Variants in CHMP2B observed in about 807,000 individuals in gnomAD.
CHMP2B encodes the protein charged multivesicular body protein 2B, also known as VPS2 homolog B.
A neutral mutation model predicts 29.8 loss-of-function variants in CHMP2B; 22 were observed. The observed-to-expected ratio is 0.74, with a 90% CI of 0.53 to 1.05. The LOEUF is 1.05. CHMP2B is among the 50% of genes least tolerant of loss of function. CHMP2B has a pLI of 0.00. For synonymous variants in CHMP2B, 78 were observed against 75.8 expected, an observed-to-expected ratio of 1.03 and a Z score of -0.15; for missense variants, 261 against 252.2, an observed-to-expected ratio of 1.03 and a Z score of -0.24.
At chr3:87,240,929 T>C in intron 2 of CHMP2B, 139 bp downstream of exon 2, 1 of 693,004 alleles carries the variant, frequency 1.4e-6, no homozygotes, top group Non-Finnish European at 2.7e-6. Context: ...TTAATGATTT[T>C]TGTATCTTCT....
chr3:87,252,525 G>A (rs990459314), intron 4 of CHMP2B, among the ~76,000 whole-genome samples: 4 of 151,750 alleles, frequency 2.6e-5, no homozygotes, highest in Admixed American at 6.6e-5. Flanking sequence ...TAAACCCTAC[G>A]TATCCTTGCC....
At chr3:87,242,838 G>C (rs370302469) in intron 2 of CHMP2B, among the ~76,000 whole-genome samples, 1 of 152,076 alleles carries the variant, frequency 6.6e-6, no homozygotes, top group African/African-American at 2.4e-5. Flanking sequence ...GTTAATAAAG[G>C]TTTAAATAAG....
Position 87,249,891 on chromosome 3 carries a change from A to G in CHMP2B, c.338A>G (p.Asn113Ser), listed in dbSNP as rs1559610442. The G allele has an allele frequency of 6.2e-7, 1 of 1,603,628 alleles. No individual in the cohort carries two copies. The highest frequency in any genetic ancestry group is 1.7e-5 in the Admixed American group (1 of 59,798). Residue 113 changes from asparagine to serine, a missense_variant, in exon 4 of 6, where the codon AAC becomes AGC. Transcript: ENST00000263780. ...CATTTAAAGACAATGCAGGCAGTTA[A>G]CAAGAAGATGGATCCACAAAAGACA... Reference protein sequence around the residue: ...STTAKTMQAVNKKMDPQKTLQ... With the variant: ...STTAKTMQAVSKKMDPQKTLQ...
At position 87,227,377 on chromosome 3, in the gene CHMP2B, G is replaced by A; in HGVS notation, c.-146G>A. On this transcript the variant is annotated 5_prime_UTR_variant, in exon 1 of 6. Transcript: ENST00000263780. ...AGCTGCGGATACAAGCCTTCCGCGG[G>A]TCCTGCCTGGCGACCCCGACCTCCT... 1 of 829,006 alleles carries A rather than the reference G, an allele frequency of 1.2e-6. No homozygotes were observed. Among genetic ancestry groups the A allele is most frequent in the South Asian group, 1.4e-5 (1 of 70,842 alleles). The allele number at this position is 829,006 out of a possible 1,614,324, so 51.4% of individuals were successfully genotyped here. A position where few individuals can be genotyped will look rare whatever the true frequency, so the allele number is the denominator to read the frequency against.
chr3:87,239,723 G>A (rs1041860967), intron 1 of CHMP2B, among the ~76,000 whole-genome samples: 1 of 152,016 alleles, frequency 6.6e-6, no homozygotes, highest in Non-Finnish European at 1.5e-5. Context: ...TCAAAAGGTA[G>A]GTCTAAAGAA....
chr3:87,252,569 A>G (rs1706334742), intron 4 of CHMP2B, among the ~76,000 whole-genome samples: 1 of 151,832 alleles, frequency 6.6e-6, no homozygotes, highest in African/African-American at 2.4e-5. Context: ...TCCCAGTTGG[A>G]TGTGATCTCC....
At chr3:87,243,311 T>G (rs936851222) in intron 2 of CHMP2B, among the ~76,000 whole-genome samples, 13 of 152,218 alleles carry the variant, frequency 8.5e-5, no homozygotes, top group African/African-American at 3.1e-4. Flanking sequence ...TATTTTCAGT[T>G]TGCTGAAATT....
chr3:87,245,568 G>C, intron 2 of CHMP2B, 146 bp from the exon 3 acceptor site: 1 of 677,512 alleles, frequency 1.5e-6, no homozygotes, highest in South Asian at 2.0e-5. Flanking sequence ...TTTCTCTTTT[G>C]CTCTATGACT....
intron 1 of CHMP2B, among the ~76,000 whole-genome samples, chr3:87,238,739 A>C (rs1434110487): frequency 6.6e-6 from 1 of 152,090 alleles, no homozygotes; most frequent in Non-Finnish European, 1.5e-5. Flanking sequence ...CTTTTGGCTA[A>C]TGTTACTAAT....
chr3:87,237,338 A>G (rs755229544), intron 1 of CHMP2B, among the ~76,000 whole-genome samples: 1 of 152,158 alleles, frequency 6.6e-6, no homozygotes, highest in South Asian at 2.1e-4. Flanking sequence ...CCCTGATTCA[A>G]TGACTGCTAT....
At chr3:87,246,025 A>T in intron 3 of CHMP2B, 117 bp downstream of exon 3, 1 of 760,264 alleles carries the variant, frequency 1.3e-6, no homozygotes, top group Non-Finnish European at 2.2e-6. Flanking sequence ...AAATGTGTGT[A>T]ATTTTTAGTA....
chr3:87,236,291 C>T (rs941238907), intron 1 of CHMP2B, among the ~76,000 whole-genome samples: 7 of 152,096 alleles, frequency 4.6e-5, no homozygotes, highest in Non-Finnish European at 2.9e-5. Flanking sequence ...AGATATGGTA[C>T]AAAGAAGCTT....
chr3:87,241,950 T>A (rs138868396), intron 2 of CHMP2B, among the ~76,000 whole-genome samples: 99 of 152,296 alleles, frequency 6.5e-4, no homozygotes, highest in African/African-American at 2.3e-3. Context: ...AAAGTTACAG[T>A]TGTTTCACAT....
intron 2 of CHMP2B, 91 bp downstream of exon 2, chr3:87,240,881 G>C (rs529384835): frequency 4.4e-5 from 40 of 907,110 alleles, no homozygotes; most frequent in Non-Finnish European, 7.4e-5. Flanking sequence ...AAGGCACATG[G>C]CAGGTGGTAA....
At chr3:87,239,916 C>A (rs1706085113) in intron 1 of CHMP2B, among the ~76,000 whole-genome samples, 1 of 152,116 alleles carries the variant, frequency 6.6e-6, no homozygotes, top group Non-Finnish European at 1.5e-5. Context: ...AGGTGAGATT[C>A]AAATCCAGAT....
intron 1 of CHMP2B, among the ~76,000 whole-genome samples, chr3:87,237,759 T>G (rs2106898529): frequency 6.6e-6 from 1 of 152,270 alleles, no homozygotes; most frequent in South Asian, 2.1e-4. Flanking sequence ...TTTTTTTCAG[T>G]TTCAACATTT....
intron 3 of CHMP2B, among the ~76,000 whole-genome samples, chr3:87,247,118 A>G (rs1706227756): frequency 6.6e-6 from 1 of 152,216 alleles, no homozygotes; most frequent in African/African-American, 2.4e-5. Flanking sequence ...GTTATGTCCC[A>G]TGAAGTCGGG....
chr3:87,253,440 A>C lies in CHMP2B; in HGVS notation c.461A>C (p.Asp154Ala). 1 of 1,611,774 alleles carries C rather than the reference A, an allele frequency of 6.2e-7. No individual in the cohort carries two copies. Among genetic ancestry groups the C allele is most frequent in the Non-Finnish European group, 8.5e-7 (1 of 1,178,146 alleles). ...DTLDDIFDGS[D>A]DEEESQDIVN... is the part of the protein sequence containing the mutation. ...CTTGATGACATCTTTGACGGTTCTGATGACGAAGAAGAAAGCCAGGATATT... is the reference window on the plus strand; with the variant it reads ...CTTGATGACATCTTTGACGGTTCTGCTGACGAAGAAGAAAGCCAGGATATT... Residue 154 changes from aspartate (D) to alanine (A), a missense_variant, in exon 5 of 6, where the codon GAT (aspartate) becomes GCT (alanine). Coordinates refer to ENST00000263780, the MANE Select transcript of CHMP2B (RefSeq NM_014043.4).
intron 1 of CHMP2B, among the ~76,000 whole-genome samples, chr3:87,238,236 A>C (rs2106899055): frequency 6.6e-6 from 1 of 152,348 alleles, no homozygotes; most frequent in Non-Finnish European, 1.5e-5. Context: ...AATTCATATA[A>C]CATTAACCAT....
Sources: gnomAD v4.1 joint callset for allele counts (sites outside exome capture counted in the v4.1 genomes callset) on GRCh38, gnomAD v4.1.1 for gene constraint, MANE v1.5 for transcripts, NCBI Gene and HGNC (gene_info 2026-07-23, HGNC 2026-07-21) for gene names.